ITSN1: variants seen among roughly 807,000 people sequenced by gnomAD.
ITSN1 encodes intersectin-1.
Under a neutral mutation model 239.8 loss-of-function variants are expected in ITSN1, and 58 were observed. The observed-to-expected ratio is 0.24, with a 90% CI of 0.20 to 0.30. The LOEUF is 0.30. Among genes scored for constraint, ITSN1 ranks in the 10% least tolerant of loss-of-function variants. ITSN1 has a pLI of 1.00. For synonymous variants in ITSN1, 780 were observed against 770.8 expected (o/e 1.01, Z -0.20); for missense variants, 1,558 against 2,103.3 (o/e 0.74, Z 5.07).
chr21:33,887,227 G>A (rs992916349), intron 39 of ITSN1, among the ~76,000 whole-genome samples: 4 of 151,874 alleles, frequency 2.6e-5, no homozygotes, highest in Non-Finnish European at 5.9e-5. Flanking sequence ...GCTGAGGCAG[G>A]AGGATTGCTT....
chr21:33,851,171 C>A (rs1314620337), intron 29 of ITSN1, among the ~76,000 whole-genome samples: 2 of 152,122 alleles, frequency 1.3e-5, no homozygotes, highest in African/African-American at 4.8e-5. Flanking sequence ...CCCACCTTTC[C>A]ACCTTATCTC....
intron 33 of ITSN1, among the ~76,000 whole-genome samples, chr21:33,869,503 C>T (rs976953298): frequency 2.0e-5 from 3 of 152,192 alleles, no homozygotes; most frequent in East Asian, 3.8e-4. Flanking sequence ...TGGGTGGAGG[C>T]GCAGCCAAAC....
At chr21:33,743,327 A>G (rs1234699159) in intron 5 of ITSN1, among the ~76,000 whole-genome samples, 6 of 152,248 alleles carry the variant, frequency 3.9e-5, no homozygotes, top group Non-Finnish European at 7.4e-5. Context: ...TTAGCTGGGT[A>G]TGGTGGCACA....
chr21:33,797,291 C>A lies in ITSN1; in HGVS notation c.1953-88C>A. The A allele has an allele frequency of 1.8e-6, 2 of 1,088,702 alleles. No homozygotes were observed. Among genetic ancestry groups the A allele is most frequent in the Non-Finnish European group, 1.4e-6 (1 of 723,008 alleles). The allele number at this position is 1,088,702 out of a possible 1,614,324, so 67.4% of individuals were successfully genotyped here. On this transcript the variant is annotated intron_variant, in intron 17 of 39. Coordinates refer to ENST00000381318, the MANE Select transcript of ITSN1 (RefSeq NM_003024.3). The surrounding 1 kb of genome is among the most constrained non-coding windows in gnomAD (Gnocchi z 4.9). ...TCCCTTGATGTTCCCATCCCATTTA[C>A]TGGATGGAGCTTTTTTTGTGAAAAG...
chr21:33,711,886 A>G (rs2092429048), intron 1 of ITSN1, among the ~76,000 whole-genome samples: 1 of 152,224 alleles, frequency 6.6e-6, no homozygotes, highest in South Asian at 2.1e-4. Flanking sequence ...ACAGTGTTAC[A>G]GTATTTGCTT....
At chr21:33,761,828 G>A in intron 8 of ITSN1, 95 bp from the exon 9 acceptor site, 1 of 860,480 alleles carries the variant, frequency 1.2e-6, no homozygotes, top group East Asian at 2.4e-5. Context: ...ATTGCATGAG[G>A]TCATGGAGTA....
chr21:33,713,068 G>GCTACTCA (rs1305409437), intron 1 of ITSN1, among the ~76,000 whole-genome samples: 3 of 151,888 alleles, frequency 2.0e-5, no homozygotes, highest in African/African-American at 7.3e-5. Flanking sequence ...ATTAGAGACA[G>GCTACTCA]GGTTTTATCA....
At chr21:33,747,049 G>A (rs1441696365) in intron 5 of ITSN1, among the ~76,000 whole-genome samples, 1 of 152,168 alleles carries the variant, frequency 6.6e-6, no homozygotes, top group African/African-American at 2.4e-5. Flanking sequence ...AGTTATTGGG[G>A]AGTCTGAGGC....
chr21:33,687,814 A>G (rs1438079513), intron 1 of ITSN1, among the ~76,000 whole-genome samples: 2 of 152,236 alleles, frequency 1.3e-5, no homozygotes, highest in African/African-American at 2.4e-5. Flanking sequence ...TGTAAGTAAC[A>G]TACTTTGAGA....
chr21:33,761,030 A>C (rs1261723983), intron 8 of ITSN1, among the ~76,000 whole-genome samples: 1 of 150,390 alleles, frequency 6.6e-6, no homozygotes, highest in African/African-American at 2.5e-5. Context: ...AATTCCAGGA[A>C]TTCTTCTTTT....
chr21:33,669,534 G>T (rs1183015517), intron 1 of ITSN1, among the ~76,000 whole-genome samples: 2 of 151,982 alleles, frequency 1.3e-5, no homozygotes, highest in Admixed American at 1.3e-4. Context: ...CCGCCTCCCG[G>T]GTTCAAGCAA....
chr21:33,698,854 A>G (rs2091900650), intron 1 of ITSN1, among the ~76,000 whole-genome samples: 2 of 152,244 alleles, frequency 1.3e-5, no homozygotes, highest in African/African-American at 4.8e-5. Context: ...ACAGGGACAT[A>G]GGCTCTTCCA....
At position 33,857,152 on chromosome 21, in the gene ITSN1, G is replaced by A. The variant is rs765330767; in HGVS notation, c.3783+295G>A. On this transcript the variant is annotated intron_variant, in intron 30 of 39. Coordinates refer to ENST00000381318, the MANE Select transcript of ITSN1 (RefSeq NM_003024.3). ...TGTGAACTGAGAGTCTGGAGTCCAC[G>A]CTCTACTCAGAGCAGCTGCAGCTCA... Among the ~76,000 whole-genome samples, 27 of 152,298 alleles carry A rather than the reference G, an allele frequency of 1.8e-4. 1 individual carries two copies. The highest frequency in any genetic ancestry group is 6.2e-4 in the South Asian group (3 of 4,824).
At chr21:33,812,881 G>A (rs931496432) in intron 21 of ITSN1, among the ~76,000 whole-genome samples, 1 of 152,182 alleles carries the variant, frequency 6.6e-6, no homozygotes, top group Non-Finnish European at 1.5e-5. Context: ...GATGCCACTT[G>A]TAATTGCTGT....
intron 22 of ITSN1, chr21:33,817,500 T>C: frequency 7.7e-7 from 1 of 1,304,502 alleles, no homozygotes; most frequent in Non-Finnish European, 1.0e-6. Flanking sequence ...CAGTGAATAG[T>C]AGGAACTCCT....
rs916222759 is a variant in ITSN1, at chr21:33,844,126, C to T, written c.3661+7494C>T. On this transcript the variant is annotated intron_variant, in intron 29 of 39. Coordinates refer to ENST00000381318, the MANE Select transcript of ITSN1 (RefSeq NM_003024.3). ...CATTGCAAGATTTGCCCTACCAATC[C>T]GTGCACGAACCCTGGCCCCCTTCCT... Among the ~76,000 whole-genome samples the T allele has an allele frequency of 1.2e-4, 18 of 152,330 alleles. 1 individual carries two copies. The highest frequency in any genetic ancestry group is 3.4e-3 in the Middle Eastern group (1 of 292).
chr21:33,677,369 C>T (rs2090658362), intron 1 of ITSN1, among the ~76,000 whole-genome samples: 1 of 149,538 alleles, frequency 6.7e-6, no homozygotes, highest in Non-Finnish European at 1.5e-5. Context: ...AAGACAGAGT[C>T]TCACTTATCA....
At chr21:33,888,109 G>A in intron 39 of ITSN1, 43 bp from the exon 40 acceptor site, 1 of 1,596,666 alleles carries the variant, frequency 6.3e-7, no homozygotes, top group Non-Finnish European at 8.6e-7. Flanking sequence ...CTCGAAGAGA[G>A]GGAATGGTCC....
At chr21:33,660,150 C>T (rs1486373033) in intron 1 of ITSN1, among the ~76,000 whole-genome samples, 1 of 152,184 alleles carries the variant, frequency 6.6e-6, no homozygotes, top group South Asian at 2.1e-4. Flanking sequence ...CTACTTTGCT[C>T]TTAATGGTTG....
Sources: allele counts gnomAD v4.1 joint callset (sites outside exome capture counted in the v4.1 genomes callset), GRCh38; gene constraint gnomAD v4.1.1; non-coding constraint Gnocchi (gnomAD v3.1); transcripts MANE v1.5; gene names NCBI Gene and HGNC (gene_info 2026-07-23, HGNC 2026-07-21).